NAA11: variants seen among roughly 807,000 people sequenced by gnomAD.
The protein encoded by NAA11 is N-alpha-acetyltransferase 11.
In NAA11, 15 loss-of-function variants were observed where a neutral mutation model predicts 16.1. The ratio of observed to expected loss-of-function variants is 0.93; its 90% CI spans 0.62 to 1.44. The LOEUF (loss-of-function observed/expected upper bound fraction) is 1.44, where lower values mean the gene tolerates loss of function less well. Ranked by LOEUF, NAA11 falls within the 40% of genes most tolerant of loss-of-function variation. The probability of loss-of-function intolerance (pLI) is 0.00; values close to 1 mark genes in which losing one functional copy is unlikely to be tolerated. For synonymous variants in NAA11, 122 were observed against 112.4 expected, an observed-to-expected ratio of 1.09 and a Z score of -0.54; for missense variants, 298 against 291.3, an observed-to-expected ratio of 1.02 and a Z score of -0.17.
At chr4:79,196,161 A>G in the NAA11 span, among the ~76,000 whole-genome samples, 2 of 151,876 alleles carry the variant, frequency 1.3e-5, no homozygotes, top group Non-Finnish European at 2.9e-5. Context: ...TATTCTCTAC[A>G]TGGCTTGTGC....
intron 2 of NAA11, among the ~76,000 whole-genome samples, chr4:79,266,465 T>C (rs907695225): frequency 1.3e-5 from 2 of 152,160 alleles, no homozygotes; most frequent in Non-Finnish European, 2.9e-5. Context: ...TCAGTCACAG[T>C]GATTGTTCAG....
At chr4:79,190,433 A>G in the NAA11 span, among the ~76,000 whole-genome samples, 1 of 148,146 alleles carries the variant, frequency 6.8e-6, no homozygotes, top group Non-Finnish European at 1.5e-5. Flanking sequence ...AACATTTACC[A>G]CATTTTGCTT....
the NAA11 span, among the ~76,000 whole-genome samples, chr4:79,157,890 T>C: frequency 1.3e-5 from 2 of 150,248 alleles, no homozygotes; most frequent in African/African-American, 4.9e-5. Context: ...TGTTGCTGAT[T>C]GCTGATGATT....
the NAA11 span, among the ~76,000 whole-genome samples, chr4:79,194,849 TG>T: frequency 1.3e-5 from 2 of 152,072 alleles, no homozygotes; most frequent in South Asian, 4.1e-4. Context: ...TATTTTATGA[TG>T]AAAAAAACTA....
downstream of NAA11, among the ~76,000 whole-genome samples, chr4:79,311,796 C>T (rs1297836392): frequency 6.6e-6 from 1 of 152,134 alleles, no homozygotes; most frequent in African/African-American, 2.4e-5. Context: ...TTAATCTACC[C>T]CATCCCCAAC....
intron 2 of NAA11, among the ~76,000 whole-genome samples, chr4:79,264,951 C>G (rs1722312277): frequency 6.6e-6 from 1 of 152,110 alleles, no homozygotes; most frequent in African/African-American, 2.4e-5. Flanking sequence ...ATTCAAATAC[C>G]CAATTGCCTA....
chr4:79,214,337 A>G, the NAA11 span, among the ~76,000 whole-genome samples: 4 of 152,164 alleles, frequency 2.6e-5, no homozygotes, highest in East Asian at 3.8e-4. Context: ...TATGTATGCT[A>G]TTGGTTGAAT....
chr4:79,164,303 G>A, the NAA11 span, among the ~76,000 whole-genome samples: 13 of 152,288 alleles, frequency 8.5e-5, no homozygotes, highest in East Asian at 1.3e-3. Context: ...TTGCAGCCAC[G>A]GTGTGAGCAG....
intron 2 of NAA11, among the ~76,000 whole-genome samples, chr4:79,286,180 G>A (rs536365227): frequency 1.3e-5 from 2 of 152,004 alleles, no homozygotes; most frequent in African/African-American, 2.4e-5. Flanking sequence ...AGAATTCTAC[G>A]AACCCACAAT....
At chr4:79,273,122 T>G (rs1311273724) in intron 2 of NAA11, among the ~76,000 whole-genome samples, 1 of 151,792 alleles carries the variant, frequency 6.6e-6, no homozygotes, top group Non-Finnish European at 1.5e-5. Flanking sequence ...TCTTGCTGGT[T>G]CAAGCAATGA....
the NAA11 span, among the ~76,000 whole-genome samples, chr4:79,167,007 A>G: frequency 6.9e-6 from 1 of 145,896 alleles, no homozygotes; most frequent in South Asian, 2.2e-4. Context: ...TCTTATAGCT[A>G]GGGTACTGGA....
chr4:79,324,891 C>T (rs777002400), intron 1 of NAA11, among the ~76,000 whole-genome samples: 3 of 152,150 alleles, frequency 2.0e-5, no homozygotes, highest in African/African-American at 4.8e-5. Context: ...TCATCAACTA[C>T]GTGGTTACCC....
At chr4:79,286,572 G>T (rs1300284425) in intron 2 of NAA11, among the ~76,000 whole-genome samples, 1 of 152,088 alleles carries the variant, frequency 6.6e-6, no homozygotes, top group African/African-American at 2.4e-5. Flanking sequence ...CTAGTCACAT[G>T]AGATTACAGT....
chr4:79,169,899 T>C, the NAA11 span, among the ~76,000 whole-genome samples: 7 of 152,170 alleles, frequency 4.6e-5, no homozygotes, highest in Admixed American at 3.3e-4. Context: ...ATATCAGACA[T>C]GTTTCTGTTC....
At chr4:79,278,555 A>G (rs989824382) in intron 2 of NAA11, among the ~76,000 whole-genome samples, 3 of 152,092 alleles carry the variant, frequency 2.0e-5, no homozygotes, top group African/African-American at 4.8e-5. Context: ...AAATAATCCT[A>G]TGGATACCTC....
chr4:79,295,013 C>G (rs1578183589), intron 1 of NAA11, among the ~76,000 whole-genome samples: 2 of 152,210 alleles, frequency 1.3e-5, no homozygotes, highest in East Asian at 3.9e-4. Context: ...ATTACTGAAG[C>G]TACTTTGAGA....
chr4:79,185,122 A>G, the NAA11 span, among the ~76,000 whole-genome samples: 6 of 151,866 alleles, frequency 4.0e-5, no homozygotes, highest in Admixed American at 3.9e-4. Flanking sequence ...ACTATAAGAG[A>G]TTTTTTATTC....
At chr4:79,279,771 GTTT>G (rs1249937506) in intron 2 of NAA11, among the ~76,000 whole-genome samples, 1 of 152,108 alleles carries the variant, frequency 6.6e-6, no homozygotes, top group African/African-American at 2.4e-5. Flanking sequence ...GAACATCACT[GTTT>G]TCTAAAGTGT....
the NAA11 span, among the ~76,000 whole-genome samples, chr4:79,207,852 AGTAGGACT>A: frequency 6.6e-6 from 1 of 152,164 alleles, no homozygotes; most frequent in African/African-American, 2.4e-5. Context: ...AAAACAAAAA[AGTAGGACT>A]GTCTTCTATG....
Sources: gnomAD v4.1 joint callset for allele counts (sites outside exome capture counted in the v4.1 genomes callset) on GRCh38, gnomAD v4.1.1 for gene constraint, MANE v1.5 for transcripts, NCBI Gene and HGNC (gene_info 2026-07-23, HGNC 2026-07-21) for gene names.